USP50: variants seen among roughly 807,000 people sequenced by gnomAD.
USP50 encodes ubiquitin carboxyl-terminal hydrolase 50.
A neutral mutation model predicts 39.2 loss-of-function variants in USP50; 37 were observed. That is an observed-to-expected ratio of 0.94 (90% CI 0.73 to 1.24). USP50 has a LOEUF of 1.24. Among genes scored for constraint, USP50 ranks in the 50% most tolerant of loss-of-function variants. USP50 has a pLI of 0.00. For synonymous variants in USP50, 139 were observed against 144.5 expected (o/e 0.96, Z 0.27); for missense variants, 374 against 398.2 (o/e 0.94, Z 0.52).
chr15:50,545,041 C>T (rs781644865), intron 1 of USP50, among the ~76,000 whole-genome samples: 4 of 151,950 alleles, frequency 2.6e-5, no homozygotes, highest in Non-Finnish European at 5.9e-5. Flanking sequence ...AGTTTGAGAC[C>T]AGCCAGGGTA....
chr15:50,496,698 T>C (rs1364849941), downstream of USP50, among the ~76,000 whole-genome samples: 1 of 152,250 alleles, frequency 6.6e-6, no homozygotes, highest in East Asian at 1.9e-4. Context: ...CTACTTTTCA[T>C]AAGCATTTGC....
At chr15:50,514,688 C>A (rs2052785754) in intron 6 of USP50, among the ~76,000 whole-genome samples, 1 of 152,088 alleles carries the variant, frequency 6.6e-6, no homozygotes, top group African/African-American at 2.4e-5. Context: ...GCCACCACAC[C>A]CAGCTAATTT....
chr15:50,520,156 A>G (rs763006478), intron 6 of USP50, among the ~76,000 whole-genome samples: 6 of 152,006 alleles, frequency 3.9e-5, no homozygotes, highest in Non-Finnish European at 7.4e-5. Flanking sequence ...AAAGAATTAA[A>G]AACTCAGCTG....
chr15:50,518,179 A>AAT (rs2141360351), intron 6 of USP50, among the ~76,000 whole-genome samples: 1 of 152,196 alleles, frequency 6.6e-6, no homozygotes, highest in Non-Finnish European at 1.5e-5. Flanking sequence ...CCCAGAAATA[A>AAT]ATACATGTAT....
At chr15:50,499,717 A>T (rs1566897197), downstream of USP50, 1 of 152,138 alleles carries the variant, frequency 6.6e-6, no homozygotes. Context: ...TGGAAACTTT[A>T]ATTTTTTTAA....
rs376730450 is a variant in USP50, at chr15:50,544,797, A to G, written c.54-16T>C. ...GCACTCTGCACTGTGTTGGTGCCAC[A>G]TGGGAAGAAAGGGTTTTGAGAGAAC... On this transcript the variant is annotated splice_polypyrimidine_tract_variant and intron_variant, in intron 1 of 6. Transcript: ENST00000532404. The G allele has an allele frequency of 2.2e-5, 36 of 1,607,054 alleles. No homozygotes were observed. The highest frequency in any genetic ancestry group is 4.0e-5 in the African/African-American group (3 of 74,802).
intron 3 of USP50, 146 bp downstream of exon 3, chr15:50,543,452 C>T: frequency 1.4e-6 from 1 of 719,556 alleles, no homozygotes; most frequent in Non-Finnish European, 2.3e-6. Context: ...CATTCAAATA[C>T]TAACTTGGAT....
intron 6 of USP50, among the ~76,000 whole-genome samples, chr15:50,525,791 T>C (rs1038499177): frequency 1.9e-5 from 2 of 108,014 alleles, no homozygotes; most frequent in Non-Finnish European, 3.8e-5. Flanking sequence ...AATTTTGATT[T>C]ATCAATTAAA....
intron 6 of USP50, chr15:50,513,558 A>T (rs1187215673): frequency 6.6e-6 from 1 of 151,548 alleles, no homozygotes; most frequent in African/African-American, 2.4e-5. Flanking sequence ...ATCAAGCCAC[A>T]GAAGGTAATT....
chr15:50,510,749 T>C (rs527719094), intron 6 of USP50: 2 of 152,112 alleles, frequency 1.3e-5, no homozygotes, highest in East Asian at 3.9e-4. Context: ...CTAGCTGAAA[T>C]GTACACCAAT....
intron 5 of USP50, among the ~76,000 whole-genome samples, chr15:50,533,028 C>T (rs2052953160): frequency 6.6e-6 from 1 of 151,938 alleles, no homozygotes; most frequent in African/African-American, 2.4e-5. Flanking sequence ...ACTGGCCGGT[C>T]AGGCGCAGTG....
intron 2 of USP50, 132 bp from the exon 3 acceptor site, chr15:50,543,925 G>A: frequency 1.2e-6 from 1 of 816,128 alleles, no homozygotes; most frequent in Non-Finnish European, 2.0e-6. Context: ...CACTTTGGGA[G>A]GCCAATGCAG....
At chr15:50,503,957 A>G (rs193201770) in intron 6 of USP50, 2 of 152,350 alleles carry the variant, frequency 1.3e-5, no homozygotes, top group East Asian at 1.9e-4. Flanking sequence ...ATATTTAAAT[A>G]TATTTAGAAG....
intron 1 of USP50, among the ~76,000 whole-genome samples, chr15:50,495,231 TGTATATATATATAC>T (rs775376175): frequency 0.14 from 19,627 of 141,584 alleles, 2,074 homozygotes; most frequent in Admixed American, 0.27. Flanking sequence ...AAAATATTTG[TGTATATATATATAC>T]GTGTATATAT....
At chr15:50,531,809 C>T (rs1380072408) in intron 5 of USP50, among the ~76,000 whole-genome samples, 1 of 152,126 alleles carries the variant, frequency 6.6e-6, no homozygotes, top group Non-Finnish European at 1.5e-5. Context: ...CGTAAGGAAA[C>T]TTTGAAGTCA....
chr15:50,496,028 G>C (rs747180322), downstream of USP50: 1 of 1,613,960 alleles, frequency 6.2e-7, no homozygotes, highest in East Asian at 2.2e-5. Context: ...TAGGACATTT[G>C]AGGCCTTCAT....
intron 4 of USP50, 48 bp downstream of exon 4, chr15:50,541,001 G>A: frequency 2.8e-6 from 4 of 1,442,928 alleles, no homozygotes; most frequent in South Asian, 2.3e-5. Context: ...GAAAATCCGG[G>A]GCTGAGAGTA....
At chr15:50,497,078 T>A (rs759038915), downstream of USP50, 6 of 1,586,100 alleles carry the variant, frequency 3.8e-6, no homozygotes, top group African/African-American at 8.2e-5. Context: ...CTACTTGTTT[T>A]TTTCTGCCAG....
intron 5 of USP50, chr15:50,532,271 G>A: frequency 2.2e-6 from 1 of 455,390 alleles, no homozygotes; most frequent in Non-Finnish European, 4.4e-6. Flanking sequence ...ATAGGCTAAA[G>A]CACCCTGTTC....
Sources: allele counts gnomAD v4.1 joint callset (sites outside exome capture counted in the v4.1 genomes callset), GRCh38; gene constraint gnomAD v4.1.1; transcripts MANE v1.5; gene names NCBI Gene and HGNC (gene_info 2026-07-23, HGNC 2026-07-21).